The following TMEM135 variants were observed in gnomAD, a reference collection of about 807,000 sequenced individuals.
The protein encoded by TMEM135 is transmembrane protein 135.
TMEM135 carries 30 observed loss-of-function variants against 60.3 expected under a neutral mutation model. The observed-to-expected ratio is 0.50, with a 90% CI of 0.37 to 0.68. TMEM135 has a LOEUF of 0.68. Among genes scored for constraint, TMEM135 ranks in the 30% least tolerant of loss-of-function variants. The pLI is 0.00. For missense variants in TMEM135, 468 were observed against 548.8 expected (o/e 0.85, Z 1.47); for synonymous variants, 190 against 186.7 (o/e 1.02, Z -0.14).
intron 6 of TMEM135, among the ~76,000 whole-genome samples, chr11:87,241,686 T>C (rs72955860): frequency 1.1e-3 from 172 of 152,174 alleles, no homozygotes; most frequent in Non-Finnish European, 2.0e-3. Flanking sequence ...CAGCCTCTGG[T>C]AACCCGTATT....
intron 6 of TMEM135, among the ~76,000 whole-genome samples, chr11:87,293,066 T>C (rs1942292833): frequency 6.6e-6 from 1 of 152,230 alleles, no homozygotes; most frequent in South Asian, 2.1e-4. Context: ...TTTTAATCAG[T>C]CTACTGCTTT....
At chr11:87,114,593 C>A (rs1035790174) in intron 4 of TMEM135, among the ~76,000 whole-genome samples, 6 of 152,166 alleles carry the variant, frequency 3.9e-5, no homozygotes, top group Admixed American at 1.3e-4. Flanking sequence ...CACTGATGTT[C>A]AATTATATGA....
intron 6 of TMEM135, among the ~76,000 whole-genome samples, chr11:87,242,149 A>G (rs1321603708): frequency 2.0e-5 from 3 of 150,898 alleles, no homozygotes; most frequent in South Asian, 2.1e-4. Flanking sequence ...ATGATTTCCA[A>G]TTTCATCCAT....
intron 5 of TMEM135, among the ~76,000 whole-genome samples, chr11:87,227,006 C>T (rs1185826314): frequency 2.0e-5 from 3 of 151,902 alleles, no homozygotes. Context: ...CTGAGATTGC[C>T]CCAGTGTACT....
intron 4 of TMEM135, among the ~76,000 whole-genome samples, chr11:87,109,935 G>A (rs567341774): frequency 2.8e-4 from 42 of 152,138 alleles, no homozygotes; most frequent in Non-Finnish European, 5.3e-4. Context: ...ATGAGTAAAT[G>A]TTATTGACTG....
intron 4 of TMEM135, among the ~76,000 whole-genome samples, chr11:87,143,197 C>T (rs1007092433): frequency 6.6e-6 from 1 of 151,952 alleles, no homozygotes; most frequent in Admixed American, 6.6e-5. Context: ...TGTTGAAATT[C>T]CTTATTTATC....
At chr11:87,179,773 A>G (rs1177301189) in intron 5 of TMEM135, among the ~76,000 whole-genome samples, 1 of 152,180 alleles carries the variant, frequency 6.6e-6, no homozygotes, top group Admixed American at 6.5e-5. Flanking sequence ...TTCTGATTCT[A>G]CTAATATGGA....
rs549719199 is a variant in TMEM135, at chr11:87,297,842, G to A, written c.551+2019G>A. Among the ~76,000 whole-genome samples the A allele has an allele frequency of 7.9e-5, 12 of 152,264 alleles. No individual in the cohort carries two copies. The East Asian group carries it at 1.7e-3, about 22-fold the overall frequency. ...CCTTCCACTAAGCAAATTCAGTTTC[G>A]TAATCAATCTGCAGTGTGGTGAATT... is the stretch of plus-strand genomic sequence containing the variant. On this transcript the variant is annotated intron_variant, in intron 7 of 14. Transcript: ENST00000305494.
chr11:87,137,166 A>T (rs1166553635), intron 4 of TMEM135, among the ~76,000 whole-genome samples: 3 of 152,056 alleles, frequency 2.0e-5, no homozygotes, highest in Admixed American at 6.5e-5. Flanking sequence ...CTCTGTTTTT[A>T]GATGCAAAAA....
intron 6 of TMEM135, among the ~76,000 whole-genome samples, chr11:87,270,373 G>T (rs1394457115): frequency 7.9e-5 from 12 of 151,924 alleles, no homozygotes; most frequent in South Asian, 4.2e-4. Context: ...GTCAATTTTG[G>T]CTTTTGTTGC....
intron 6 of TMEM135, among the ~76,000 whole-genome samples, chr11:87,275,528 C>G (rs1164396495): frequency 6.6e-6 from 1 of 152,052 alleles, no homozygotes; most frequent in East Asian, 1.9e-4. Flanking sequence ...AAGTATTTGT[C>G]TGGCAGGATA....
intron 1 of TMEM135, among the ~76,000 whole-genome samples, chr11:87,038,673 T>C (rs1949725865): frequency 6.7e-6 from 1 of 149,718 alleles, no homozygotes; most frequent in African/African-American, 2.5e-5. Context: ...TGGCCTCAGA[T>C]CTTGACTCAG....
In TMEM135 at chr11:87,118,512, G is replaced by T. The variant is rs373811329; in HGVS notation, c.396+27117G>T. Among the ~76,000 whole-genome samples, 12 of 151,246 alleles carry T rather than the reference G, an allele frequency of 7.9e-5. No homozygotes were observed. In the East Asian group the frequency reaches 2.3e-3, roughly 29 times the overall value. On this transcript the variant is annotated intron_variant, in intron 4 of 14. Coordinates refer to ENST00000305494, the MANE Select transcript of TMEM135 (RefSeq NM_022918.4). ...TGCCCGGGCTGGAGTGCAATGACAC[G>T]ATCTCAGCTCACTGCAACCTCCACC... is the stretch of plus-strand genomic sequence containing the variant.
chr11:87,255,818 A>C (rs1941517501), intron 6 of TMEM135, among the ~76,000 whole-genome samples: 1 of 152,198 alleles, frequency 6.6e-6, no homozygotes, highest in Non-Finnish European at 1.5e-5. Flanking sequence ...TGGTTGCTAG[A>C]AGCAGTGAGG....
chr11:87,159,027 C>T (rs1401827036), intron 5 of TMEM135, among the ~76,000 whole-genome samples: 2 of 152,096 alleles, frequency 1.3e-5, no homozygotes, highest in South Asian at 2.1e-4. Flanking sequence ...GTATGCAGCA[C>T]AGCTGTATAA....
chr11:87,210,337 C>T (rs1203080593), intron 5 of TMEM135, among the ~76,000 whole-genome samples: 2 of 152,052 alleles, frequency 1.3e-5, no homozygotes, highest in African/African-American at 4.8e-5. Flanking sequence ...GTGATATTAC[C>T]ACTGACTCCA....
chr11:87,177,880 A>T (rs1307393091), intron 5 of TMEM135, among the ~76,000 whole-genome samples: 1 of 152,192 alleles, frequency 6.6e-6, no homozygotes, highest in Non-Finnish European at 1.5e-5. Flanking sequence ...TAGGTTCAGT[A>T]ATTCTCTGGA....
In TMEM135 at chr11:87,322,076, A is replaced by T. The variant is rs1942832076; in HGVS notation, c.*743A>T. 2.2e-6 allele frequency: 1 copy of T among 454,338 alleles called. No homozygotes were observed. Among genetic ancestry groups the T allele is most frequent in the Non-Finnish European group, 4.4e-6 (1 of 226,742 alleles). The allele number at this position is 454,338 out of a possible 1,614,324, so 28.1% of individuals were successfully genotyped here. On this transcript the variant is annotated 3_prime_UTR_variant, in exon 15 of 15. Coordinates refer to ENST00000305494, the MANE Select transcript of TMEM135 (RefSeq NM_022918.4). ...AATGGACACATCCGATAAAGTTGAA[A>T]TGTATGTTTTAATCTTTCACAGAAG...
intron 5 of TMEM135, among the ~76,000 whole-genome samples, chr11:87,225,922 G>A (rs1029161193): frequency 6.6e-6 from 1 of 151,946 alleles, no homozygotes; most frequent in Non-Finnish European, 1.5e-5. Flanking sequence ...TATGAATATT[G>A]TTTTATTCCT....
Sources: gnomAD v4.1 joint callset for allele counts (sites outside exome capture counted in the v4.1 genomes callset) on GRCh38, gnomAD v4.1.1 for gene constraint, MANE v1.5 for transcripts, NCBI Gene and HGNC (gene_info 2026-07-23, HGNC 2026-07-21) for gene names.